The following PTPRK variants were observed in gnomAD, a reference collection of about 807,000 sequenced individuals.
PTPRK encodes the protein receptor-type tyrosine-protein phosphatase kappa.
A neutral mutation model predicts 178.0 loss-of-function variants in PTPRK; 75 were observed. That is an observed-to-expected ratio of 0.42 (90% confidence interval 0.35 to 0.51). The LOEUF is 0.51. Ranked by LOEUF, PTPRK falls within the 20% of genes least tolerant of loss-of-function variation. PTPRK has a pLI of 0.02. For synonymous variants in PTPRK, 637 were observed against 620.6 expected (o/e 1.03, Z -0.39); for missense variants, 1,441 against 1,797.8 (o/e 0.80, Z 3.59).
intron 24 of PTPRK, among the ~76,000 whole-genome samples, chr6:127,982,431 CCTGG>C (rs1775458866): frequency 6.6e-6 from 1 of 152,170 alleles, no homozygotes; most frequent in Non-Finnish European, 1.5e-5. Context: ...CGCCACCATG[CCTGG>C]CTAATTTTTT....
intron 19 of PTPRK, 33 bp from the exon 20 acceptor site, chr6:127,991,424 C>A: frequency 6.7e-7 from 1 of 1,497,344 alleles, no homozygotes; most frequent in Non-Finnish European, 9.0e-7. Flanking sequence ...ATTATGTTAT[C>A]AAAGGAATTT....
intron 5 of PTPRK, among the ~76,000 whole-genome samples, chr6:128,228,357 TA>T (rs1562828649): frequency 6.6e-6 from 1 of 151,756 alleles, no homozygotes; most frequent in Non-Finnish European, 1.5e-5. Flanking sequence ...CATAGTTTTT[TA>T]AAAAACTTCT....
intron 7 of PTPRK, among the ~76,000 whole-genome samples, chr6:128,140,162 T>A (rs1041040081): frequency 6.6e-6 from 1 of 152,150 alleles, no homozygotes; most frequent in Non-Finnish European, 1.5e-5. Flanking sequence ...GCAACCTACA[T>A]GAATAACATT....
chr6:128,419,543 A>G lies in PTPRK; in HGVS notation c.101-21855T>C, dbSNP rs539401548. 5.4e-3 allele frequency among the ~76,000 whole-genome samples: 826 copies of G among 151,928 alleles called. 5 individuals are homozygous for G. The highest frequency in any genetic ancestry group is 6.8e-3 in the Non-Finnish European group (464 of 67,946). ...AGAATGGCGTTAACCCGGGAGGCGGAGCTTGCAGTGAGCAGAGATTGCGCC... is the reference window on the plus strand; with the variant it reads ...AGAATGGCGTTAACCCGGGAGGCGGGGCTTGCAGTGAGCAGAGATTGCGCC... On this transcript the variant is annotated intron_variant, in intron 1 of 29. Transcript: ENST00000368226.
intron 1 of PTPRK, among the ~76,000 whole-genome samples, chr6:128,421,440 G>A (rs1843466843): frequency 6.6e-6 from 1 of 151,752 alleles, no homozygotes; most frequent in South Asian, 2.1e-4. Flanking sequence ...ATAAGAGAAT[G>A]GGGAGTTTTT....
chr6:128,345,638 GT>G (rs1832328103), intron 2 of PTPRK, among the ~76,000 whole-genome samples: 1 of 152,192 alleles, frequency 6.6e-6, no homozygotes. Context: ...AAGCAAGAAT[GT>G]TTTTCAATTT....
chr6:128,116,952 C>A (rs1247953788), intron 7 of PTPRK, among the ~76,000 whole-genome samples: 1 of 151,766 alleles, frequency 6.6e-6, no homozygotes, highest in East Asian at 2.0e-4. Context: ...CAAGACCATC[C>A]TGGCTAATAT....
At chr6:128,431,653 A>G (rs542294936) in intron 1 of PTPRK, among the ~76,000 whole-genome samples, 3 of 152,298 alleles carry the variant, frequency 2.0e-5, no homozygotes, top group Admixed American at 2.0e-4. Context: ...AAATCCTAGC[A>G]TTTCCCTGGA....
At chr6:128,367,758 C>A (rs1301018907) in intron 2 of PTPRK, among the ~76,000 whole-genome samples, 1 of 152,086 alleles carries the variant, frequency 6.6e-6, no homozygotes, top group Non-Finnish European at 1.5e-5. Context: ...CTAACTTGGG[C>A]CTCATTAATA....
intron 13 of PTPRK, among the ~76,000 whole-genome samples, chr6:128,020,827 C>G (rs1035918238): frequency 6.6e-6 from 1 of 152,092 alleles, no homozygotes; most frequent in African/African-American, 2.4e-5. Flanking sequence ...GTTATGAATT[C>G]CATTTTCATT....
intron 1 of PTPRK, among the ~76,000 whole-genome samples, chr6:128,412,796 G>A (rs1842449158): frequency 6.6e-6 from 1 of 152,174 alleles, no homozygotes; most frequent in African/African-American, 2.4e-5. Context: ...GACTTCTCAA[G>A]CCAGTGAATT....
chr6:128,400,698 A>G (rs768658492), intron 1 of PTPRK, among the ~76,000 whole-genome samples: 17 of 152,190 alleles, frequency 1.1e-4, no homozygotes, highest in African/African-American at 4.1e-4. Context: ...TTTAGGACTC[A>G]CTAGAAAGGC....
intron 5 of PTPRK, chr6:128,238,064 T>G (rs187136068): frequency 4.2e-4 from 189 of 447,208 alleles, no homozygotes; most frequent in Non-Finnish European, 7.2e-4. Context: ...GTGGTGTTAT[T>G]GAAAAAGGTA....
intron 2 of PTPRK, among the ~76,000 whole-genome samples, chr6:128,335,675 G>T (rs1420133577): frequency 6.6e-6 from 1 of 151,884 alleles, no homozygotes; most frequent in East Asian, 1.9e-4. Flanking sequence ...GAGATCCTAG[G>T]ATATAAAAAA....
At chr6:128,445,212 A>AAATAC (rs1440764528) in intron 1 of PTPRK, among the ~76,000 whole-genome samples, 2 of 135,434 alleles carry the variant, frequency 1.5e-5, no homozygotes, top group Non-Finnish European at 3.2e-5. Context: ...ATATATATAT[A>AAATAC]TATATATAAT....
chr6:128,109,238 A>G (rs1332028240), intron 7 of PTPRK, among the ~76,000 whole-genome samples: 3 of 152,158 alleles, frequency 2.0e-5, no homozygotes, highest in Non-Finnish European at 4.4e-5. Flanking sequence ...TACAAGTTTC[A>G]AAAGTTTGAA....
intron 10 of PTPRK, among the ~76,000 whole-genome samples, chr6:128,082,223 C>T (rs1784952016): frequency 6.6e-6 from 1 of 152,112 alleles, no homozygotes; most frequent in South Asian, 2.1e-4. Flanking sequence ...TTTAAGACCA[C>T]TGTCAATCAA....
At chr6:128,225,342 T>C (rs1353564843) in intron 5 of PTPRK, among the ~76,000 whole-genome samples, 3 of 152,190 alleles carry the variant, frequency 2.0e-5, no homozygotes, top group Non-Finnish European at 4.4e-5. Context: ...AGGTCCCTGT[T>C]GAACAGCATC....
At chr6:128,122,915 G>A (rs770336326) in intron 7 of PTPRK, among the ~76,000 whole-genome samples, 3 of 152,112 alleles carry the variant, frequency 2.0e-5, no homozygotes, top group Non-Finnish European at 4.4e-5. Context: ...GCAGATGGTT[G>A]AACACTTTAT....
Sources: gnomAD v4.1 joint callset for allele counts (sites outside exome capture counted in the v4.1 genomes callset) on GRCh38, gnomAD v4.1.1 for gene constraint, MANE v1.5 for transcripts, NCBI Gene and HGNC (gene_info 2026-07-23, HGNC 2026-07-21) for gene names.